Variants in PTPRD observed in about 807,000 individuals in gnomAD.
PTPRD encodes the protein protein tyrosine phosphatase receptor type D.
A neutral mutation model predicts 214.5 loss-of-function variants in PTPRD; 34 were observed. The observed-to-expected ratio is 0.16, with a 90% CI of 0.12 to 0.21. The LOEUF (loss-of-function observed/expected upper bound fraction) is 0.21. Ranked by LOEUF, PTPRD falls within the 10% of genes least tolerant of loss-of-function variation. The pLI, the probability that PTPRD is intolerant of heterozygous loss-of-function variation, is 1.00. For missense variants in PTPRD, 2,545 were observed against 2,398.7 expected (o/e 1.06, Z -1.27); for synonymous variants, 1,128 against 845.7 (o/e 1.33, Z -5.79).
At chr9:9,555,673 G>C (rs1470699566) in intron 8 of PTPRD, among the ~76,000 whole-genome samples, 1 of 151,996 alleles carries the variant, frequency 6.6e-6, no homozygotes, top group African/African-American at 2.4e-5. Flanking sequence ...AACCACGTTT[G>C]GCATTTAAGT....
chr9:8,837,714 C>G (rs910266129), intron 11 of PTPRD, among the ~76,000 whole-genome samples: 12 of 152,132 alleles, frequency 7.9e-5, no homozygotes, highest in African/African-American at 2.9e-4. Context: ...GTTGCCCAGG[C>G]TGGTCTCAAA....
chr9:9,347,040 G>A (rs73393028), intron 9 of PTPRD, among the ~76,000 whole-genome samples: 4,139 of 152,032 alleles, frequency 0.027, 202 homozygotes, highest in African/African-American at 0.094. Flanking sequence ...GTTGGCGCAC[G>A]CTTGTAACCT....
intron 4 of PTPRD, among the ~76,000 whole-genome samples, chr9:9,971,244 AGTG>A (rs2095082264): frequency 6.6e-6 from 1 of 152,152 alleles, no homozygotes; most frequent in Non-Finnish European, 1.5e-5. Context: ...CTTCAGTCTG[AGTG>A]GTTATCAAAA....
At chr9:9,896,595 A>T (rs889952243) in intron 5 of PTPRD, among the ~76,000 whole-genome samples, 5 of 152,164 alleles carry the variant, frequency 3.3e-5, no homozygotes, top group African/African-American at 1.2e-4. Context: ...GAACATTTAT[A>T]TTTTTTTACA....
intron 11 of PTPRD, among the ~76,000 whole-genome samples, chr9:9,013,061 A>G (rs2099518387): frequency 6.6e-6 from 1 of 152,178 alleles, no homozygotes; most frequent in African/African-American, 2.4e-5. Context: ...GGGGATGCAG[A>G]TAGCACAGAT....
chr9:10,546,757 T>C (rs2060257719), intron 2 of PTPRD, among the ~76,000 whole-genome samples: 1 of 152,036 alleles, frequency 6.6e-6, no homozygotes, highest in African/African-American at 2.4e-5. Context: ...CATATAAAAG[T>C]ATAGTTTGCA....
intron 35 of PTPRD, among the ~76,000 whole-genome samples, chr9:8,433,644 T>C (rs1179049963): frequency 2.6e-5 from 4 of 152,134 alleles, no homozygotes; most frequent in Admixed American, 1.3e-4. Context: ...ATAATTTAAA[T>C]AGAAAAACGC....
intron 11 of PTPRD, among the ~76,000 whole-genome samples, chr9:8,859,160 G>A (rs2098038793): frequency 6.6e-6 from 1 of 152,218 alleles, no homozygotes; most frequent in Non-Finnish European, 1.5e-5. Context: ...GGGAAGTACT[G>A]AACCAAAATC....
intron 8 of PTPRD, among the ~76,000 whole-genome samples, chr9:9,432,678 T>G (rs1014931394): frequency 1.3e-5 from 2 of 152,228 alleles, no homozygotes; most frequent in African/African-American, 4.8e-5. Flanking sequence ...GCTATTTAGA[T>G]ATTTAGGATT....
At chr9:8,554,189 A>G (rs1374712839) in intron 14 of PTPRD, among the ~76,000 whole-genome samples, 1 of 151,824 alleles carries the variant, frequency 6.6e-6, no homozygotes, top group East Asian at 1.9e-4. Context: ...CTCTGTCTCA[A>G]ACAAAACAAA....
chr9:9,493,668 G>C (rs549533624), intron 8 of PTPRD, among the ~76,000 whole-genome samples: 2 of 151,324 alleles, frequency 1.3e-5, no homozygotes, highest in South Asian at 2.1e-4. Flanking sequence ...GTAGCCTGTA[G>C]TCCCAGCTAC....
rs1362585301 is a variant in PTPRD at position 9,967,931 on chromosome 9, C to A, written c.-471-29321G>T. On this transcript the variant is annotated intron_variant, in intron 4 of 45. Coordinates refer to ENST00000381196, the MANE Select transcript of PTPRD (RefSeq NM_002839.4). ...ATATACTGATATTATGATACATAAA[C>A]ATATTAAGAAAAATTTGTCACAAAA... is the stretch of plus-strand genomic sequence containing the variant. 7.9e-5 allele frequency among the ~76,000 whole-genome samples: 12 copies of A among 152,140 alleles called. No homozygotes were observed. In the South Asian group the frequency reaches 1.5e-3, roughly 18 times the overall value.
chr9:9,732,401 A>T (rs1261159490), intron 7 of PTPRD, among the ~76,000 whole-genome samples: 7 of 152,166 alleles, frequency 4.6e-5, no homozygotes, highest in Admixed American at 4.6e-4. Context: ...ACCTGGTAGT[A>T]TATTAAGAAT....
At chr9:9,428,250 G>C (rs2081758957) in intron 8 of PTPRD, among the ~76,000 whole-genome samples, 1 of 152,010 alleles carries the variant, frequency 6.6e-6, no homozygotes, top group African/African-American at 2.4e-5. Flanking sequence ...AAAAAAAGCA[G>C]GGATTGCAAT....
Position 9,915,988 on chromosome 9 carries a change from T to G in PTPRD, c.-368+22519A>C, listed in dbSNP as rs988888044. Among the ~76,000 whole-genome samples the G allele has an allele frequency of 5.3e-5, 8 of 150,260 alleles. 1 individual carries two copies. Among genetic ancestry groups the G allele is most frequent in the African/African-American group, 1.7e-4 (7 of 40,730 alleles). On this transcript the variant is annotated intron_variant, in intron 5 of 45. Coordinates refer to ENST00000381196, the MANE Select transcript of PTPRD (RefSeq NM_002839.4). The stretch of plus-strand genomic sequence containing the variant: ...GAAAAGAAAAACATTAAGTAACATA[T>G]AAGGGAATTTCCACTAGATTAACAG...
chr9:9,203,732 G>A (rs2099943203), intron 9 of PTPRD, among the ~76,000 whole-genome samples: 1 of 152,076 alleles, frequency 6.6e-6, no homozygotes. Context: ...ATGTGTTTTT[G>A]CAGTTTCTGA....
At chr9:9,024,309 C>T (rs562601496) in intron 10 of PTPRD, among the ~76,000 whole-genome samples, 1 of 147,962 alleles carries the variant, frequency 6.8e-6, no homozygotes, top group South Asian at 2.1e-4. Flanking sequence ...ATTTGTTAGA[C>T]CTGTCGAAAA....
chr9:10,139,177 G>A (rs1476511667), intron 3 of PTPRD, among the ~76,000 whole-genome samples: 3 of 151,958 alleles, frequency 2.0e-5, no homozygotes, highest in Non-Finnish European at 2.9e-5. Flanking sequence ...TAGAACTGAT[G>A]AATTACTTCA....
chr9:9,818,359 C>T (rs1158018674), intron 5 of PTPRD, among the ~76,000 whole-genome samples: 1 of 152,066 alleles, frequency 6.6e-6, no homozygotes, highest in African/African-American at 2.4e-5. Flanking sequence ...GCATTTCAGC[C>T]TTGTGTTTCT....
Sources: gnomAD v4.1 joint callset for allele counts (sites outside exome capture counted in the v4.1 genomes callset) on GRCh38, gnomAD v4.1.1 for gene constraint, MANE v1.5 for transcripts, NCBI Gene and HGNC (gene_info 2026-07-23, HGNC 2026-07-21) for gene names.